FBXL2: variants seen among roughly 807,000 people sequenced by gnomAD.
FBXL2 encodes F-box/LRR-repeat protein 2.
A neutral mutation model predicts 69.2 loss-of-function variants in FBXL2; 38 were observed. The observed-to-expected ratio is 0.55, with a 90% CI of 0.42 to 0.72. FBXL2 has a LOEUF of 0.72. FBXL2 is among the 30% of genes least tolerant of loss of function. The pLI is 0.00. For synonymous variants in FBXL2, 192 were observed against 201.3 expected, an observed-to-expected ratio of 0.95 and a Z score of 0.39; for missense variants, 354 against 520.3, an observed-to-expected ratio of 0.68 and a Z score of 3.11.
chr3:33,311,582 A>T (rs2037198409), intron 2 of FBXL2, among the ~76,000 whole-genome samples: 1 of 151,362 alleles, frequency 6.6e-6, no homozygotes, highest in Non-Finnish European at 1.5e-5. Flanking sequence ...CTCTCTGTAG[A>T]ATTTTTCAGT....
At chr3:33,278,973 C>T (rs908733026) in intron 1 of FBXL2, among the ~76,000 whole-genome samples, 4 of 152,202 alleles carry the variant, frequency 2.6e-5, no homozygotes, top group Non-Finnish European at 5.9e-5. Flanking sequence ...CATCCATTTT[C>T]CTTTATTTTT....
Position 33,403,135 on chromosome 3 carries a change from A to G in FBXL2, n.1215-99A>G, listed in dbSNP as rs1004349308. The G allele has an allele frequency of 4.5e-5, 20 of 443,214 alleles. 1 individual carries two copies. The highest frequency in any genetic ancestry group is 8.1e-5 in the Non-Finnish European group (20 of 245,532). The allele number at this position is 443,214 out of a possible 1,614,324, so 27.5% of individuals were successfully genotyped here. On this transcript the variant is annotated intron_variant and non_coding_transcript_variant, in intron 12 of 12. Transcript: ENST00000463736. ...ATCTTAGAGAAGACCTAAAGTGATG[A>G]CAGCAGCAAAAATTTATAAAGGCAT...
chr3:33,393,109 G>C (rs1370615754), intron 12 of FBXL2: 2 of 557,476 alleles, frequency 3.6e-6, no homozygotes, highest in Non-Finnish European at 5.8e-6. Context: ...GGCTAAGCCA[G>C]TTTTCCTTGG....
the FBXL2 span, among the ~76,000 whole-genome samples, chr3:33,414,668 C>T: frequency 0.39 from 59,601 of 151,890 alleles, 12,890 homozygotes; most frequent in East Asian, 0.6. Context: ...TTCCAAGAAA[C>T]TCATCCTGCA....
chr3:33,382,216 C>A (rs1026442039), intron 13 of FBXL2, among the ~76,000 whole-genome samples: 1 of 152,244 alleles, frequency 6.6e-6, no homozygotes. Flanking sequence ...TATCCACTTT[C>A]GCACTAAAAA....
At chr3:33,390,020 C>G (rs914562938), downstream of FBXL2, 9 of 336,188 alleles carry the variant, frequency 2.7e-5, no homozygotes, top group Non-Finnish European at 4.9e-5. Context: ...TGTAAAAAGA[C>G]AGCAAAGGCT....
chr3:33,382,651 G>A (rs1425975109), intron 13 of FBXL2: 1 of 152,160 alleles, frequency 6.6e-6, no homozygotes, highest in African/African-American at 2.4e-5. Flanking sequence ...CAGTATTCCT[G>A]TTTTTTGGTT....
chr3:33,415,702 T>C, the FBXL2 span, among the ~76,000 whole-genome samples: 1 of 151,920 alleles, frequency 6.6e-6, no homozygotes, highest in African/African-American at 2.4e-5. Flanking sequence ...AATTTTATTA[T>C]GGAGTTCACA....
chr3:33,373,906 C>T lies in FBXL2; in HGVS notation c.642C>T (p.Asn214=). The change falls in exon 9 of 15, where the codon AAC becomes AAT. Residue 214 remains asparagine (N), a synonymous_variant. Transcript: ENST00000484457. ...ACTGCCATGAGCTTGTGAGCCTCAA[C>T]TTGCAGTCCTGCTCAGTAAGTAGCG... is the stretch of plus-strand genomic sequence containing the variant. The part of the protein sequence containing the change: ...QNYCHELVSL[N]LQSCSRITDE... 1 of 1,614,228 alleles carries T rather than the reference C, an allele frequency of 6.2e-7. No individual in the cohort carries two copies. Among genetic ancestry groups the T allele is most frequent in the Non-Finnish European group, 8.5e-7 (1 of 1,180,028 alleles).
chr3:33,381,103 GCAC>G (rs2043022891), intron 13 of FBXL2, among the ~76,000 whole-genome samples: 1 of 152,106 alleles, frequency 6.6e-6, no homozygotes, highest in Non-Finnish European at 1.5e-5. Flanking sequence ...AACAGGTCAA[GCAC>G]CCTCTGATTT....
intron 5 of FBXL2, among the ~76,000 whole-genome samples, chr3:33,370,512 T>G (rs1214465764): frequency 2.6e-5 from 4 of 152,236 alleles, no homozygotes; most frequent in African/African-American, 9.6e-5. Context: ...TTCTTGCTTT[T>G]TCATTACCAG....
rs573896241 is a variant in FBXL2 at position 33,335,642 on chromosome 3, C to T, written c.66-23325C>T. On this transcript the variant is annotated intron_variant, in intron 2 of 14. Coordinates refer to ENST00000484457, the MANE Select transcript of FBXL2 (RefSeq NM_012157.5). ...ATTTCAAGGTAGACTGCAAAAGGGA[C>T]GTATTTCATGTAGAACAACCATAAA... Among the ~76,000 whole-genome samples, 13 of 152,084 alleles carry T rather than the reference C, an allele frequency of 8.5e-5. No individual in the cohort carries two copies. The South Asian group carries it at 1.7e-3, about 19-fold the overall frequency.
chr3:33,277,689 C>T (rs893722990), intron 1 of FBXL2, among the ~76,000 whole-genome samples, 174 bp downstream of exon 1: 2 of 152,072 alleles, frequency 1.3e-5, no homozygotes, highest in Non-Finnish European at 2.9e-5. Context: ...GGAGGGGTAA[C>T]CTGGGGGATT....
intron 2 of FBXL2, among the ~76,000 whole-genome samples, chr3:33,330,490 G>T (rs1041456362): frequency 6.6e-6 from 1 of 152,142 alleles, no homozygotes; most frequent in Non-Finnish European, 1.5e-5. Context: ...ATAACTGGAA[G>T]AAAATAATTC....
intron 2 of FBXL2, among the ~76,000 whole-genome samples, chr3:33,319,860 A>G (rs771298015): frequency 2.0e-5 from 3 of 152,172 alleles, no homozygotes; most frequent in Non-Finnish European, 4.4e-5. Context: ...TTTTTGTTTC[A>G]TTTACCTAAA....
chr3:33,383,360 ACT>A (rs1308654881), intron 13 of FBXL2: 1 of 153,112 alleles, frequency 6.5e-6, no homozygotes, highest in Non-Finnish European at 1.5e-5. Flanking sequence ...GATATAGAGA[ACT>A]TAAGAGAATT....
At chr3:33,358,649 G>A (rs1023242416) in intron 2 of FBXL2, among the ~76,000 whole-genome samples, 1 of 152,162 alleles carries the variant, frequency 6.6e-6, no homozygotes, top group Non-Finnish European at 1.5e-5. Context: ...CACCAAAAGA[G>A]GGCTTATGCT....
At chr3:33,411,698 AAAAG>A in the FBXL2 span, 1 of 1,605,356 alleles carries the variant, frequency 6.2e-7, no homozygotes. Flanking sequence ...CTATGTTTTA[AAAAG>A]AAGTTACATA....
At chr3:33,420,181 T>C in the FBXL2 span, among the ~76,000 whole-genome samples, 1 of 152,216 alleles carries the variant, frequency 6.6e-6, no homozygotes, top group Non-Finnish European at 1.5e-5. Context: ...CATGAAACTT[T>C]AGTAACATGA....
Sources: gnomAD v4.1 joint callset for allele counts (sites outside exome capture counted in the v4.1 genomes callset) on GRCh38, gnomAD v4.1.1 for gene constraint, MANE v1.5 for transcripts, NCBI Gene and HGNC (gene_info 2026-07-23, HGNC 2026-07-21) for gene names.